The following ADAMTS16 variants were observed in gnomAD, a reference collection of about 807,000 sequenced individuals.
ADAMTS16 encodes the protein A disintegrin and metalloproteinase with thrombospondin motifs 16.
A neutral mutation model predicts 145.8 loss-of-function variants in ADAMTS16; 94 were observed. The observed-to-expected ratio is 0.64, with a 90% CI of 0.55 to 0.77. The LOEUF (loss-of-function observed/expected upper bound fraction) is 0.77. ADAMTS16 is among the 30% of genes least tolerant of loss of function. The probability of loss-of-function intolerance (pLI) is 0.00; values close to 1 mark genes in which losing one functional copy is unlikely to be tolerated. For missense variants in ADAMTS16, 1,585 were observed against 1,591.5 expected, an observed-to-expected ratio of 1.00 and a Z score of 0.07; for synonymous variants, 659 against 604.3, an observed-to-expected ratio of 1.09 and a Z score of -1.33.
chr5:5,217,262 A>G (rs62338163), intron 10 of ADAMTS16, among the ~76,000 whole-genome samples: 5 of 151,720 alleles, frequency 3.3e-5, no homozygotes, highest in African/African-American at 1.2e-4. Context: ...AAGAAAACCT[A>G]GGCATTACCA....
rs778838491 is a variant in ADAMTS16 at position 5,318,106 on chromosome 5, T to C, written c.3412-28T>C. ...CCAGGTGCCTGAGAGCCTGGGGCCA[T>C]GGTGACATGTGTGTGTTGCTCTCAC... On this transcript the variant is annotated intron_variant, in intron 21 of 22. Transcript: ENST00000274181. 6.6e-6 allele frequency: 9 copies of C among 1,359,492 alleles called. No individual in the cohort carries two copies. In the South Asian group the frequency reaches 1.4e-4, roughly 22 times the overall value. 84.2% of individuals were successfully genotyped at this position (1,359,492 alleles called of 1,614,324 possible).
chr5:5,146,118 T>C lies in ADAMTS16; in HGVS notation c.176-12T>C. The C allele has an allele frequency of 6.2e-7, 1 of 1,608,046 alleles. No homozygotes were observed. Among genetic ancestry groups the C allele is most frequent in the South Asian group, 1.1e-5 (1 of 90,954 alleles). ...GAAATGACTCAGCCTCTGCTCACTC[T>C]TTTGATTTCAGAATATGACCTGGTC... On this transcript the variant is annotated splice_polypyrimidine_tract_variant and intron_variant, in intron 2 of 22. Coordinates refer to ENST00000274181, the MANE Select transcript of ADAMTS16 (RefSeq NM_139056.4).
chr5:5,182,157 C>T lies in ADAMTS16; in HGVS notation c.615C>T (p.Tyr205=), dbSNP rs375493374. Residue 205 remains tyrosine (Y), a synonymous_variant, in exon 4 of 23, where the codon TAC becomes TAT. Coordinates refer to ENST00000274181, the MANE Select transcript of ADAMTS16 (RefSeq NM_139056.4). ...AQGSSPSHVL[Y]KRSTEPHAPG... is the part of the protein sequence containing the mutation. ...GCAGCTCGCCATCCCACGTACTGTA[C>T]AAGAGATCCACAGAGCCCCATGCTC... 3.1e-6 allele frequency: 5 copies of T among 1,614,074 alleles called. No individual in the cohort carries two copies. In the African/African-American group the frequency reaches 4.0e-5, roughly 13 times the overall value.
At chr5:5,186,696 GA>G (rs1406403802) in intron 5 of ADAMTS16, among the ~76,000 whole-genome samples, 6 of 152,244 alleles carry the variant, frequency 3.9e-5, no homozygotes, top group African/African-American at 1.4e-4. Context: ...ATAAAAACAG[GA>G]AAAGTGCAAC....
chr5:5,232,462 C>G lies in ADAMTS16; in HGVS notation c.1796C>G (p.Ser599Cys). The G allele has an allele frequency of 6.2e-7, 1 of 1,614,036 alleles. No homozygotes were observed. The highest frequency in any genetic ancestry group is 8.5e-7 in the Non-Finnish European group (1 of 1,180,004). ...WSDWSSWSPC[S>C]RTCGGGVSHR... The stretch of plus-strand genomic sequence containing the variant: ...GACTGGTCTTCTTGGTCCCCATGCT[C>G]CAGGACCTGCGGAGGGGGAGTATCT... The change falls in exon 12 of 23, where the codon TCC becomes TGC. Residue 599 changes from serine to cysteine, a missense_variant. Around this residue, in one of 3 missense-constraint regions of ADAMTS16, gnomAD observed 298 missense variants for 367.6 expected, o/e 0.81. Coordinates refer to ENST00000274181, the MANE Select transcript of ADAMTS16 (RefSeq NM_139056.4).
At chr5:5,261,597 C>A (rs1323438936) in intron 17 of ADAMTS16, among the ~76,000 whole-genome samples, 2 of 149,050 alleles carry the variant, frequency 1.3e-5, no homozygotes, top group Non-Finnish European at 3.0e-5. Flanking sequence ...AGCGATTCTT[C>A]TGCCTCAGCC....
chr5:5,267,324 G>A (rs1449892371), intron 18 of ADAMTS16, among the ~76,000 whole-genome samples: 1 of 152,214 alleles, frequency 6.6e-6, no homozygotes, highest in African/African-American at 2.4e-5. Context: ...TTATCCCGAG[G>A]ACAGAGGGCT....
intron 11 of ADAMTS16, among the ~76,000 whole-genome samples, chr5:5,229,095 G>A (rs944756137): frequency 2.6e-5 from 4 of 151,674 alleles, no homozygotes; most frequent in Admixed American, 6.6e-5. Context: ...TCAGGAGATC[G>A]AGACCATCCT....
intron 9 of ADAMTS16, among the ~76,000 whole-genome samples, chr5:5,200,750 A>C (rs1418707641): frequency 6.7e-6 from 1 of 150,040 alleles, no homozygotes; most frequent in Non-Finnish European, 1.5e-5. Flanking sequence ...CTTTTTACTA[A>C]ATGCATTCCT....
intron 8 of ADAMTS16, among the ~76,000 whole-genome samples, chr5:5,194,292 A>T (rs1158083927): frequency 6.6e-6 from 1 of 152,204 alleles, no homozygotes; most frequent in Non-Finnish European, 1.5e-5. Context: ...ATATGTATCT[A>T]TCATGTGCTA....
intron 4 of ADAMTS16, among the ~76,000 whole-genome samples, chr5:5,185,154 T>C (rs558872410): frequency 3.8e-4 from 58 of 152,336 alleles, no homozygotes; most frequent in Non-Finnish European, 6.2e-4. Context: ...GTATCATTAT[T>C]ATTCTCCAAA....
At chr5:5,184,988 T>A (rs778321973) in intron 4 of ADAMTS16, among the ~76,000 whole-genome samples, 23 of 152,140 alleles carry the variant, frequency 1.5e-4, no homozygotes, top group Non-Finnish European at 2.6e-4. Flanking sequence ...GTAATGTTCC[T>A]CTCCTCTGCC....
intron 21 of ADAMTS16, among the ~76,000 whole-genome samples, chr5:5,316,804 C>T (rs1364997576): frequency 6.6e-6 from 1 of 152,188 alleles, no homozygotes; most frequent in African/African-American, 2.4e-5. Flanking sequence ...TCAAGCTTCT[C>T]CCCGTCGGAC....
In ADAMTS16 at chr5:5,186,162, G is replaced by A. The variant is rs377628985; in HGVS notation, c.874G>A (p.Val292Met). 189 of 1,614,074 alleles carry A rather than the reference G, an allele frequency of 1.2e-4. No homozygotes were observed. Among genetic ancestry groups the A allele is most frequent in the Middle Eastern group, 1.7e-4 (1 of 6,060 alleles). The change falls in exon 5 of 23, where the codon GTG becomes ATG. Residue 292 changes from valine to methionine, a missense_variant. Around this residue, in one of 3 missense-constraint regions of ADAMTS16, gnomAD observed 453 missense variants for 412.1 expected, o/e 1.10. Coordinates refer to ENST00000274181, the MANE Select transcript of ADAMTS16 (RefSeq NM_139056.4). ...LRSHRNEELNVETLVVVDKKM... is the reference protein window; with the variant it reads ...LRSHRNEELNMETLVVVDKKM... ...GTCCCATAGAAATGAAGAACTGAACGTGGAGACCTTGGTGGTGGTCGACAA... is the reference window on the plus strand; with the variant it reads ...GTCCCATAGAAATGAAGAACTGAACATGGAGACCTTGGTGGTGGTCGACAA...
chr5:5,145,566 T>C (rs1437161345), intron 2 of ADAMTS16, among the ~76,000 whole-genome samples: 1 of 152,282 alleles, frequency 6.6e-6, no homozygotes, highest in African/African-American at 2.4e-5. Context: ...ATTGTGTTTA[T>C]GTAAACATGG....
chr5:5,187,704 T>C, intron 5 of ADAMTS16, 21 bp from the exon 6 acceptor site: 1 of 1,572,272 alleles, frequency 6.4e-7, no homozygotes. Context: ...GGGGCTGACA[T>C]GGATTTCCTG....
intron 3 of ADAMTS16, among the ~76,000 whole-genome samples, chr5:5,152,300 C>G (rs115364421): frequency 1.3e-5 from 2 of 152,310 alleles, no homozygotes; most frequent in African/African-American, 4.8e-5. Context: ...AGCAGAGCTC[C>G]GGTGGGGATG....
At chr5:5,290,700 C>A (rs1739274217) in intron 18 of ADAMTS16, among the ~76,000 whole-genome samples, 2 of 152,290 alleles carry the variant, frequency 1.3e-5, no homozygotes, top group African/African-American at 4.8e-5. Flanking sequence ...ATTCTTGTTT[C>A]CATGCTGCAG....
intron 3 of ADAMTS16, among the ~76,000 whole-genome samples, chr5:5,172,720 A>ATTGGATAAAATTG (rs200032948): frequency 0.018 from 2,736 of 152,274 alleles, 34 homozygotes; most frequent in Non-Finnish European, 0.029. Flanking sequence ...TTCTGCAACT[A>ATTGGATAAAATTG]TTGGATAAAA....
Sources: allele counts gnomAD v4.1 joint callset (sites outside exome capture counted in the v4.1 genomes callset), GRCh38; gene constraint gnomAD v4.1.1; regional missense constraint gnomAD v4.1.1; transcripts MANE v1.5; gene names NCBI Gene and HGNC (gene_info 2026-07-23, HGNC 2026-07-21).